IGFL2: variants seen among roughly 807,000 people sequenced by gnomAD.
IGFL2 encodes insulin growth factor-like family member 2.
Under a neutral mutation model 13.9 loss-of-function variants are expected in IGFL2, and 7 were observed. The ratio of observed to expected loss-of-function variants is 0.51; its 90% CI spans 0.29 to 0.95. The LOEUF (loss-of-function observed/expected upper bound fraction) is 0.95, where lower values mean the gene tolerates loss of function less well. Ranked by LOEUF, IGFL2 falls within the 40% of genes least tolerant of loss-of-function variation. IGFL2 has a pLI of 0.08. For synonymous variants in IGFL2, 55 were observed against 55.8 expected, an observed-to-expected ratio of 0.99 and a Z score of 0.07; for missense variants, 138 against 147.8, an observed-to-expected ratio of 0.93 and a Z score of 0.34.
rs201027157 is a variant in IGFL2 at position 46,160,724 on chromosome 19, G to A, written c.184G>A (p.Glu62Lys). The A allele has an allele frequency of 1.2e-3, 1,895 of 1,614,100 alleles. 21 individuals are homozygous for A. The South Asian group carries it at 0.012, about 10-fold the overall frequency. The change falls in exon 3 of 4, where the codon GAG becomes AAG. Residue 62 changes from glutamate (E) to lysine (K), a missense_variant. Coordinates refer to ENST00000377693, the MANE Select transcript of IGFL2 (RefSeq NM_001135113.2). ...CAATGACGCCATCGTGTCCCTGAGC[G>A]AGACCCGCCAATGTGGTCCCCCCTG... is the stretch of plus-strand genomic sequence containing the variant. ...CYNDAIVSLSETRQCGPPCTF... is the reference protein window; with the variant it reads ...CYNDAIVSLSKTRQCGPPCTF...
chr19:46,202,168 A>G, the IGFL2 span, among the ~76,000 whole-genome samples: 2 of 152,184 alleles, frequency 1.3e-5, no homozygotes, highest in Non-Finnish European at 2.9e-5. Flanking sequence ...ATCTGGAATG[A>G]GTCACATTGG....
Position 46,160,617 on chromosome 19 carries a change from C to T in IGFL2, c.77C>T (p.Pro26Leu). 1 of 1,614,148 alleles carries T rather than the reference C, an allele frequency of 6.2e-7. No individual in the cohort carries two copies. ...LLLCPREVIA[P>L]AGSEPWLCQP... Reference sequence around the variant, plus strand: ...CAATGTCTGTCCATCTGTCCAGCTCCCGCTGGCTCAGAACCATGGCTGTGC... The same window carrying T: ...CAATGTCTGTCCATCTGTCCAGCTCTCGCTGGCTCAGAACCATGGCTGTGC... Residue 26 changes from proline (P) to leucine (L), a missense_variant, in exon 3 of 4, where the codon CCC becomes CTC. Transcript: ENST00000377693.
At chr19:46,153,817 G>GTATATA (rs373971338) in intron 1 of IGFL2, among the ~76,000 whole-genome samples, 13 of 145,244 alleles carry the variant, frequency 9.0e-5, no homozygotes, top group Non-Finnish European at 1.4e-4. Flanking sequence ...TTATATATGT[G>GTATATA]TATATATATA....
the IGFL2 span, among the ~76,000 whole-genome samples, chr19:46,136,479 A>C: frequency 6.6e-6 from 1 of 152,146 alleles, no homozygotes; most frequent in Non-Finnish European, 1.5e-5. Context: ...AGGGGAAAAA[A>C]TCACATGATA....
At chr19:46,209,556 C>CCTTT in the IGFL2 span, 56,065 of 151,758 alleles carry the variant, frequency 0.37, 11,723 homozygotes, top group Middle Eastern at 0.5. Flanking sequence ...GTTTATTAAT[C>CCTTT]CTTTCACTGC....
the IGFL2 span, among the ~76,000 whole-genome samples, chr19:46,204,393 C>A: frequency 6.6e-6 from 1 of 152,214 alleles, no homozygotes. Flanking sequence ...TGCAGGGGCC[C>A]CTCATGCCAG....
At chr19:46,191,521 G>A in the IGFL2 span, among the ~76,000 whole-genome samples, 1 of 152,150 alleles carries the variant, frequency 6.6e-6, no homozygotes, top group African/African-American at 2.4e-5. Flanking sequence ...TGCATCCTGG[G>A]AAAGAAAGCT....
At chr19:46,082,632 T>TTA in the IGFL2 span, among the ~76,000 whole-genome samples, 1 of 151,592 alleles carries the variant, frequency 6.6e-6, no homozygotes, top group Non-Finnish European at 1.5e-5. Flanking sequence ...TGTCTCCATT[T>TTA]TTTTTTTTTT....
the IGFL2 span, among the ~76,000 whole-genome samples, chr19:46,119,050 G>A: frequency 6.6e-6 from 1 of 151,966 alleles, no homozygotes; most frequent in Admixed American, 6.6e-5. Context: ...TGTTTTGTCT[G>A]GTCACAAGCC....
chr19:46,120,184 A>G, the IGFL2 span: 1 of 1,175,314 alleles, frequency 8.5e-7, no homozygotes, highest in African/African-American at 1.6e-5. Context: ...GGCCATCCCC[A>G]GCTGGGCTCC....
the IGFL2 span, chr19:46,124,147 A>G: frequency 2.5e-6 from 4 of 1,610,344 alleles, no homozygotes; most frequent in Middle Eastern, 1.6e-4. Context: ...TCCTGAGCCA[A>G]CAGGAGCGTC....
the IGFL2 span, among the ~76,000 whole-genome samples, chr19:46,118,769 T>C: frequency 6.6e-6 from 1 of 152,172 alleles, no homozygotes; most frequent in South Asian, 2.1e-4. Context: ...AGGCTGAAGT[T>C]GAGACTTACA....
At chr19:46,197,998 T>TCCC in the IGFL2 span, 3 of 32,194 alleles carry the variant, frequency 9.3e-5, no homozygotes, top group African/African-American at 3.4e-4. Flanking sequence ...GCCCCTCCCC[T>TCCC]CCCCCTCCCT....
At chr19:46,194,541 G>T in the IGFL2 span, among the ~76,000 whole-genome samples, 1 of 152,090 alleles carries the variant, frequency 6.6e-6, no homozygotes, top group African/African-American at 2.4e-5. Flanking sequence ...CCAATCAAGG[G>T]CCGGACACGG....
the IGFL2 span, among the ~76,000 whole-genome samples, chr19:46,100,841 A>G: frequency 6.6e-6 from 1 of 151,780 alleles, no homozygotes; most frequent in East Asian, 1.9e-4. Flanking sequence ...TTTTTCATTC[A>G]TTCTTTCTCA....
the IGFL2 span, chr19:46,196,227 AC>A: frequency 8.4e-6 from 2 of 236,904 alleles, no homozygotes. Flanking sequence ...CCCTCCAGCC[AC>A]CCCAGAGCCA....
chr19:46,120,670 T>C, the IGFL2 span, among the ~76,000 whole-genome samples: 10 of 150,964 alleles, frequency 6.6e-5, no homozygotes, highest in Non-Finnish European at 1.2e-4. Flanking sequence ...TACAGAGATA[T>C]CAGAAATTCA....
At chr19:46,182,244 G>A in the IGFL2 span, among the ~76,000 whole-genome samples, 2 of 151,832 alleles carry the variant, frequency 1.3e-5, no homozygotes, top group Non-Finnish European at 1.5e-5. Flanking sequence ...GTGCATGCCT[G>A]TAGTCCCAGC....
the IGFL2 span, chr19:46,137,540 ATGTC>A: frequency 1.9e-6 from 2 of 1,060,748 alleles, no homozygotes; most frequent in Non-Finnish European, 2.9e-6. Flanking sequence ...GTCCAAGGGA[ATGTC>A]CATGGAATCG....
Sources: gnomAD v4.1 joint callset for allele counts (sites outside exome capture counted in the v4.1 genomes callset) on GRCh38, gnomAD v4.1.1 for gene constraint, MANE v1.5 for transcripts, NCBI Gene and HGNC (gene_info 2026-07-23, HGNC 2026-07-21) for gene names.